Variants in ZNF385D observed in about 807,000 individuals in gnomAD.
ZNF385D encodes zinc finger protein 659.
Under a neutral mutation model 35.8 loss-of-function variants are expected in ZNF385D, and 15 were observed. The ratio of observed to expected loss-of-function variants is 0.42; its 90% CI spans 0.28 to 0.64. The LOEUF (loss-of-function observed/expected upper bound fraction) is 0.64, where lower values mean the gene tolerates loss of function less well. ZNF385D is among the 30% of genes least tolerant of loss of function. The probability of loss-of-function intolerance (pLI) is 0.23; values close to 1 mark genes in which losing one functional copy is unlikely to be tolerated. For missense variants in ZNF385D, 474 were observed against 494.6 expected (o/e 0.96, Z 0.39); for synonymous variants, 212 against 186.8 (o/e 1.13, Z -1.10).
intron 4 of ZNF385D, among the ~76,000 whole-genome samples, chr3:21,447,639 G>GAT (rs1248149447): frequency 6.6e-6 from 1 of 152,112 alleles, no homozygotes; most frequent in African/African-American, 2.4e-5. Flanking sequence ...TACTATCCAC[G>GAT]ATATCTAACG....
At chr3:22,340,378 G>A (rs562840035) in intron 2 of ZNF385D, among the ~76,000 whole-genome samples, 12 of 152,266 alleles carry the variant, frequency 7.9e-5, no homozygotes, top group South Asian at 4.1e-4. Flanking sequence ...GGGCGTGGTG[G>A]CTCACACCTG....
intron 3 of ZNF385D, among the ~76,000 whole-genome samples, chr3:21,912,273 C>A (rs1337368984): frequency 1.3e-5 from 2 of 150,914 alleles, no homozygotes; most frequent in Non-Finnish European, 1.5e-5. Context: ...ACAATAATAA[C>A]CCCAAGTAGT....
At chr3:22,248,231 A>T (rs1479125810) in intron 2 of ZNF385D, among the ~76,000 whole-genome samples, 3 of 152,134 alleles carry the variant, frequency 2.0e-5, no homozygotes, top group Admixed American at 6.6e-5. Context: ...ATCACCAATC[A>T]CCTGCAAGGC....
intron 4 of ZNF385D, among the ~76,000 whole-genome samples, chr3:21,506,408 A>C (rs1575070121): frequency 6.6e-6 from 1 of 152,298 alleles, no homozygotes; most frequent in East Asian, 1.9e-4. Flanking sequence ...TTACTGCAAT[A>C]TAACCTAGCC....
In ZNF385D at chr3:22,182,575, T is replaced by C. The variant is rs540208718; in HGVS notation, c.107-13540A>G. Among the ~76,000 whole-genome samples, 108 of 152,178 alleles carry C rather than the reference T, an allele frequency of 7.1e-4. 1 individual carries two copies. The highest frequency in any genetic ancestry group is 2.4e-3 in the African/African-American group (98 of 41,542). Reference sequence around the variant, plus strand: ...AAATTTATTTGCTATACTAGATACATTGACTAATGTATCACTATCGAATTT... The same window carrying C: ...AAATTTATTTGCTATACTAGATACACTGACTAATGTATCACTATCGAATTT... On this transcript the variant is annotated intron_variant, in intron 2 of 5. Coordinates refer to the ZNF385D transcript ENST00000494108.
chr3:22,145,010 ATGTGTGTG>A lies in ZNF385D; in HGVS notation c.325+23799_325+23806del, dbSNP rs36060381. The stretch of plus-strand genomic sequence containing the variant: ...TAGAAATACAGTGTTGAAGATACAT[ATGTGTGTG>A]TGTGTGTGTGTGTGTGTGTGTAGTC... On this transcript the variant is annotated intron_variant, in intron 3 of 5. Coordinates refer to the ZNF385D transcript ENST00000494108. Among the ~76,000 whole-genome samples, 337 of 149,038 alleles carry A rather than the reference ATGTGTGTG, an allele frequency of 2.3e-3. 2 individuals carry two copies. Among genetic ancestry groups the A allele is most frequent in the Non-Finnish European group, 3.5e-3 (237 of 67,134 alleles).
chr3:21,664,979 G>T lies in ZNF385D; in HGVS notation c.72C>A (p.Ala24=). The T allele has an allele frequency of 6.2e-7, 1 of 1,613,548 alleles. No individual in the cohort carries two copies. Among genetic ancestry groups the T allele is most frequent in the Non-Finnish European group, 8.5e-7 (1 of 1,179,678 alleles). The change falls in exon 2 of 8, where the codon GCC becomes GCA. Residue 24 remains alanine, a synonymous_variant. Coordinates refer to ENST00000281523, the MANE Select transcript of ZNF385D (RefSeq NM_024697.3). ...TATCCAGCGATGGTTGCAAAGGAGG[G>T]GCTGGTGGACGGACAAGGGCCGGGA... ...PALPALVRPP[A]PPLQPSLDIK...
intron 1 of ZNF385D, among the ~76,000 whole-genome samples, chr3:21,686,879 C>T (rs2067121923): frequency 6.6e-6 from 1 of 152,182 alleles, no homozygotes; most frequent in Non-Finnish European, 1.5e-5. Flanking sequence ...TGGTCATCCC[C>T]TGGGACAAGT....
At chr3:21,928,986 A>G (rs1445619157) in intron 3 of ZNF385D, among the ~76,000 whole-genome samples, 4 of 152,194 alleles carry the variant, frequency 2.6e-5, no homozygotes, top group Admixed American at 2.6e-4. Context: ...AAGAGGCTAC[A>G]ATTTCCACAA....
At chr3:21,430,895 T>A (rs1173577589) in intron 5 of ZNF385D, 5 of 152,184 alleles carry the variant, frequency 3.3e-5, no homozygotes, top group African/African-American at 1.2e-4. Flanking sequence ...CATAATGCTG[T>A]CTTATTTATA....
intron 3 of ZNF385D, among the ~76,000 whole-genome samples, chr3:21,946,567 C>A: frequency 6.6e-6 from 1 of 152,168 alleles, no homozygotes; most frequent in East Asian, 1.9e-4. Flanking sequence ...CACAGTGGCT[C>A]ACACCTGTAA....
chr3:21,980,236 C>A (rs767327575), intron 3 of ZNF385D, among the ~76,000 whole-genome samples: 4 of 152,156 alleles, frequency 2.6e-5, no homozygotes, highest in Non-Finnish European at 5.9e-5. Context: ...CAGCCCCAGT[C>A]AAGCTTTCAG....
At chr3:22,045,480 T>C (rs73822841) in intron 3 of ZNF385D, among the ~76,000 whole-genome samples, 13,927 of 151,620 alleles carry the variant, frequency 0.092, 841 homozygotes, top group African/African-American at 0.16. Flanking sequence ...AGGAAGAGAG[T>C]CCTATAAGCT....
chr3:21,799,773 ATAT>A (rs1176556736), intron 3 of ZNF385D, among the ~76,000 whole-genome samples: 1 of 151,078 alleles, frequency 6.6e-6, no homozygotes, highest in Non-Finnish European at 1.5e-5. Flanking sequence ...TCCATTTTAT[ATAT>A]TTTTTCTTGT....
At chr3:21,531,370 A>G (rs931190369) in intron 3 of ZNF385D, among the ~76,000 whole-genome samples, 10 of 152,032 alleles carry the variant, frequency 6.6e-5, no homozygotes, top group African/African-American at 2.2e-4. Context: ...AACTAAACAT[A>G]CTCTTACCGT....
chr3:21,672,251 TTTTTC>T (rs199590378), intron 1 of ZNF385D, among the ~76,000 whole-genome samples: 417 of 151,836 alleles, frequency 2.7e-3, no homozygotes, highest in African/African-American at 9.4e-3. Context: ...GTTGTTTCTT[TTTTTC>T]TTTTCTTTTC....
chr3:21,557,485 G>A (rs1184032801), intron 3 of ZNF385D, among the ~76,000 whole-genome samples: 1 of 152,150 alleles, frequency 6.6e-6, no homozygotes, highest in Non-Finnish European at 1.5e-5. Flanking sequence ...TGCATATGTT[G>A]AACCAGCCTT....
At chr3:22,343,795 GA>G (rs1695530126) in intron 2 of ZNF385D, among the ~76,000 whole-genome samples, 2 of 151,894 alleles carry the variant, frequency 1.3e-5, no homozygotes, top group South Asian at 4.2e-4. Context: ...CTTTTTATCA[GA>G]AAACAATATC....
chr3:22,249,082 C>A (rs1699935569), intron 2 of ZNF385D, among the ~76,000 whole-genome samples: 1 of 152,086 alleles, frequency 6.6e-6, no homozygotes, highest in South Asian at 2.1e-4. Context: ...GGCATTCTAC[C>A]CACTTCCAGC....
Sources: allele counts gnomAD v4.1 joint callset (sites outside exome capture counted in the v4.1 genomes callset), GRCh38; gene constraint gnomAD v4.1.1; transcripts MANE v1.5; gene names NCBI Gene and HGNC (gene_info 2026-07-23, HGNC 2026-07-21).